Variants in RAB11A observed in about 807,000 individuals in gnomAD.
RAB11A encodes RAB11A, member RAS oncogene family.
A neutral mutation model predicts 28.0 loss-of-function variants in RAB11A; 9 were observed. The observed-to-expected ratio is 0.32, with a 90% CI of 0.19 to 0.56. RAB11A has a LOEUF of 0.56. Among genes scored for constraint, RAB11A ranks in the 20% least tolerant of loss-of-function variants. RAB11A has a pLI of 0.91. For synonymous variants in RAB11A, 85 were observed against 88.2 expected (o/e 0.96, Z 0.20); for missense variants, 108 against 269.6 (o/e 0.40, Z 4.20).
At chr15:65,872,559 C>G (rs1220010056) in intron 1 of RAB11A, among the ~76,000 whole-genome samples, 2 of 151,572 alleles carry the variant, frequency 1.3e-5, no homozygotes, top group Non-Finnish European at 2.9e-5. Context: ...CTCAGTCTCC[C>G]GAGTAGCTGG....
intron 1 of RAB11A, among the ~76,000 whole-genome samples, chr15:65,874,565 T>A (rs1298798847): frequency 6.6e-6 from 1 of 152,018 alleles, no homozygotes; most frequent in Non-Finnish European, 1.5e-5. Flanking sequence ...TTTTAAAACA[T>A]TCATGAATTT....
At chr15:65,870,715 G>A (rs1464735687) in intron 1 of RAB11A, among the ~76,000 whole-genome samples, 1 of 152,202 alleles carries the variant, frequency 6.6e-6, no homozygotes, top group Non-Finnish European at 1.5e-5. Flanking sequence ...TTCCCAAAAG[G>A]TTGGGGGTGG....
intron 4 of RAB11A, among the ~76,000 whole-genome samples, chr15:65,886,613 A>G (rs563922684): frequency 6.6e-6 from 1 of 152,230 alleles, no homozygotes; most frequent in Admixed American, 6.5e-5. Context: ...TAAGGACTTT[A>G]TAATCTAGTC....
chr15:65,880,943 T>C (rs1209500572), intron 4 of RAB11A, among the ~76,000 whole-genome samples: 1 of 152,168 alleles, frequency 6.6e-6, no homozygotes, highest in Non-Finnish European at 1.5e-5. Context: ...CAAAGAATGG[T>C]CTGTCACTGC....
chr15:65,875,687 C>G (rs1395163520), intron 1 of RAB11A, among the ~76,000 whole-genome samples: 1 of 152,204 alleles, frequency 6.6e-6, no homozygotes, highest in Non-Finnish European at 1.5e-5. Context: ...GAAAGATATG[C>G]ATTTGATAAT....
chr15:65,890,751 G>A lies in RAB11A; in HGVS notation c.*2911G>A, dbSNP rs2078288046. ...TTCCATCTACCTTAGAGAAGAAGCT[G>A]TACTATTTAGACAGTTTTGGCCAAC... On this transcript the variant is annotated 3_prime_UTR_variant, in exon 5 of 5. Transcript: ENST00000261890. The A allele has an allele frequency of 6.6e-6, 1 of 152,154 alleles. No individual in the cohort carries two copies. Among genetic ancestry groups the A allele is most frequent in the Non-Finnish European group, 1.5e-5 (1 of 68,034 alleles). 9.4% of individuals were successfully genotyped at this position (152,154 alleles called of 1,614,324 possible). A position where few individuals can be genotyped will look rare whatever the true frequency, so the allele number is the denominator to read the frequency against.
In RAB11A at chr15:65,883,466, G is replaced by T. The variant is rs147908503; in HGVS notation, c.511+3715G>T. ...GTGTTCTCAGTGCATCATATCAGCA[G>T]GTTTGTGATAATTGGATGTCCTATT... On this transcript the variant is annotated intron_variant, in intron 4 of 4. Coordinates refer to ENST00000261890, the MANE Select transcript of RAB11A (RefSeq NM_004663.5). Among the ~76,000 whole-genome samples the T allele has an allele frequency of 2.0e-5, 3 of 152,272 alleles. No homozygotes were observed. In the South Asian group the frequency reaches 6.2e-4, roughly 32 times the overall value.
intron 1 of RAB11A, among the ~76,000 whole-genome samples, chr15:65,876,536 A>G (rs576596609): frequency 2.3e-4 from 35 of 152,294 alleles, no homozygotes; most frequent in African/African-American, 3.6e-4. Context: ...GCGTCAAGCA[A>G]TCCGCCCACC....
At chr15:65,885,401 C>T (rs182982282) in intron 4 of RAB11A, among the ~76,000 whole-genome samples, 1 of 152,284 alleles carries the variant, frequency 6.6e-6, no homozygotes, top group East Asian at 1.9e-4. Context: ...GCTGGGATTA[C>T]AGGCGTGAGC....
At chr15:65,875,575 C>T (rs1414557057) in intron 1 of RAB11A, among the ~76,000 whole-genome samples, 2 of 152,158 alleles carry the variant, frequency 1.3e-5, no homozygotes, top group African/African-American at 4.8e-5. Flanking sequence ...TCTTTGACAC[C>T]CTCTAGTTGA....
intron 1 of RAB11A, among the ~76,000 whole-genome samples, chr15:65,876,065 A>T (rs2078189758): frequency 6.6e-6 from 1 of 152,218 alleles, no homozygotes; most frequent in South Asian, 2.1e-4. Flanking sequence ...TTGAACTTTA[A>T]ATTCAGATAG....
intron 1 of RAB11A, among the ~76,000 whole-genome samples, chr15:65,876,977 C>T (rs1017046687): frequency 2.2e-4 from 33 of 152,260 alleles, no homozygotes; most frequent in African/African-American, 7.9e-4. Flanking sequence ...TTGTTATCTT[C>T]TAAAGTAGTA....
At chr15:65,871,644 T>C (rs988230242) in intron 1 of RAB11A, among the ~76,000 whole-genome samples, 3 of 152,230 alleles carry the variant, frequency 2.0e-5, no homozygotes, top group African/African-American at 7.2e-5. Flanking sequence ...CTAAAGTATT[T>C]TAACTTTTTG....
intron 4 of RAB11A, among the ~76,000 whole-genome samples, chr15:65,884,865 G>C (rs532181297): frequency 3.8e-4 from 58 of 151,178 alleles, no homozygotes; most frequent in Non-Finnish European, 6.8e-4. Context: ...TTGTGGGGGT[G>C]GGGGGGTATG....
Position 65,890,031 on chromosome 15 carries a change from C to A in RAB11A, c.*2191C>A, listed in dbSNP as rs1219613551. 1 of 151,516 alleles carries A rather than the reference C, an allele frequency of 6.6e-6. No individual in the cohort carries two copies. The highest frequency in any genetic ancestry group is 2.4e-5 in the African/African-American group (1 of 41,226). The allele number at this position is 151,516 out of a possible 1,614,324, so 9.4% of individuals were successfully genotyped here. ...GTTTAGAAGTATTTTGCTACTTGACCTTGATTTTCAGTTATTTTAACTTTG... is the reference window on the plus strand; with the variant it reads ...GTTTAGAAGTATTTTGCTACTTGACATTGATTTTCAGTTATTTTAACTTTG... On this transcript the variant is annotated 3_prime_UTR_variant, in exon 5 of 5. Coordinates refer to ENST00000261890, the MANE Select transcript of RAB11A (RefSeq NM_004663.5).
intron 4 of RAB11A, among the ~76,000 whole-genome samples, chr15:65,880,614 T>C (rs1423859352): frequency 2.0e-5 from 3 of 152,202 alleles, no homozygotes; most frequent in Non-Finnish European, 4.4e-5. Flanking sequence ...ATGCAGCCCC[T>C]GTATTAGAGA....
chr15:65,886,767 C>A lies in RAB11A; in HGVS notation c.512-934C>A, dbSNP rs559606601. 8.5e-5 allele frequency among the ~76,000 whole-genome samples: 13 copies of A among 152,330 alleles called. No individual in the cohort carries two copies. In the East Asian group the frequency reaches 2.5e-3, roughly 29 times the overall value. Reference sequence around the variant, plus strand: ...TGTTGCAGTACAGCAGTAAGACAGACACAGTTTTGATCCTTACAGAGTTTA... The same window carrying A: ...TGTTGCAGTACAGCAGTAAGACAGAAACAGTTTTGATCCTTACAGAGTTTA... On this transcript the variant is annotated intron_variant, in intron 4 of 4. Coordinates refer to ENST00000261890, the MANE Select transcript of RAB11A (RefSeq NM_004663.5).
chr15:65,888,296 A>G lies in RAB11A; in HGVS notation c.*456A>G, dbSNP rs1330353782. Reference sequence around the variant, plus strand: ...CCACAAATCTAAGAATTGCCCTATAAACATAGCAGGATTTTGAGAGCTTGA... The same window carrying G: ...CCACAAATCTAAGAATTGCCCTATAGACATAGCAGGATTTTGAGAGCTTGA... On this transcript the variant is annotated 3_prime_UTR_variant, in exon 5 of 5. Coordinates refer to ENST00000261890, the MANE Select transcript of RAB11A (RefSeq NM_004663.5). 1.3e-5 allele frequency: 2 copies of G among 153,332 alleles called. No homozygotes were observed. Among genetic ancestry groups the G allele is most frequent in the East Asian group, 3.8e-4 (2 of 5,212 alleles). The allele number at this position is 153,332 out of a possible 1,614,324, so 9.5% of individuals were successfully genotyped here. A position where few individuals can be genotyped will look rare whatever the true frequency, so the allele number is the denominator to read the frequency against.
At chr15:65,874,067 T>C (rs1230731693) in intron 1 of RAB11A, among the ~76,000 whole-genome samples, 1 of 152,190 alleles carries the variant, frequency 6.6e-6, no homozygotes, top group South Asian at 2.1e-4. Context: ...TCCAGTAAAT[T>C]AGTTTGCAAG....
Sources: allele counts gnomAD v4.1 joint callset (sites outside exome capture counted in the v4.1 genomes callset), GRCh38; gene constraint gnomAD v4.1.1; transcripts MANE v1.5; gene names NCBI Gene and HGNC (gene_info 2026-07-23, HGNC 2026-07-21).